Variants in DDX49 observed in about 807,000 individuals in gnomAD.
DDX49 encodes the protein DEAD-box helicase 49.
In DDX49, 50 loss-of-function variants were observed where a neutral mutation model predicts 56.3. That is an observed-to-expected ratio of 0.89 (90% CI 0.71 to 1.12). The LOEUF is 1.12. Ranked by LOEUF, DDX49 falls within the 50% of genes most tolerant of loss-of-function variation. DDX49 has a pLI of 0.00. For missense variants in DDX49, 614 were observed against 650.5 expected (o/e 0.94, Z 0.61); for synonymous variants, 269 against 270.6 (o/e 0.99, Z 0.06).
Position 18,921,410 on chromosome 19 carries a change from C to T in DDX49, c.240-253C>T, listed in dbSNP as rs964550951. ...TGCTGAAAGGCGAACTGGGGGAAGG[C>T]ACAGGTTTGGGATAGGAAGAGATGC... On this transcript the variant is annotated intron_variant, in intron 2 of 12. Transcript: ENST00000247003. Among the ~76,000 whole-genome samples the T allele has an allele frequency of 1.5e-4, 23 of 152,212 alleles. 1 individual carries two copies. Among genetic ancestry groups the T allele is most frequent in the Middle Eastern group, 6.8e-3 (2 of 294 alleles).
intron 9 of DDX49, among the ~76,000 whole-genome samples, chr19:18,925,405 A>T (rs985153476): frequency 6.6e-6 from 1 of 150,624 alleles, no homozygotes. Flanking sequence ...ATACAAAAAA[A>T]TTAGCCAGGC....
chr19:18,926,117 G>A (rs1365779961), intron 9 of DDX49, among the ~76,000 whole-genome samples, 186 bp from the exon 10 acceptor site: 3 of 152,156 alleles, frequency 2.0e-5, no homozygotes, highest in Admixed American at 6.5e-5. Context: ...TCTCCCCAGC[G>A]ACCCGTCCTC....
rs751740279 is a variant in DDX49 at position 18,922,503 on chromosome 19, G to A, written c.625G>A (p.Ala209Thr). Residue 209 changes from alanine to threonine, a missense_variant, in exon 5 of 13, where the codon GCA (alanine) becomes ACA (threonine). By Grantham distance (58) the Ala-to-Thr change is moderately conservative (BLOSUM62 0). Coordinates refer to ENST00000247003, the MANE Select transcript of DDX49 (RefSeq NM_019070.5). ...CACCAACCAGCCCTTCTTCTGGGAAGCACAGGCCCCGTGAGTCCACAGCCC... is the reference window on the plus strand; with the variant it reads ...CACCAACCAGCCCTTCTTCTGGGAAACACAGGCCCCGTGAGTCCACAGCCC... ...LATNQPFFWE[A>T]QAPVSTVEQL... 1.9e-6 allele frequency: 3 copies of A among 1,600,246 alleles called. No individual in the cohort carries two copies. The highest frequency in any genetic ancestry group is 1.3e-5 in the African/African-American group (1 of 74,922).
Position 18,924,295 on chromosome 19 carries a change from C to T in DDX49, c.839C>T (p.Ser280Phe), listed in dbSNP as rs771135039. The T allele has an allele frequency of 6.2e-7, 1 of 1,613,826 alleles. No individual in the cohort carries two copies. Among genetic ancestry groups the T allele is most frequent in the Non-Finnish European group, 8.5e-7 (1 of 1,179,976 alleles). Residue 280 changes from serine to phenylalanine, a missense_variant, in exon 7 of 13, where the codon TCC becomes TTC. Coordinates refer to ENST00000247003, the MANE Select transcript of DDX49 (RefSeq NM_019070.5). ...KFSFPTVALH[S>F]MMKQKERFAA... ...AGCTTCCCCACCGTGGCTCTGCACT[C>T]CATGATGAAGCAGGTGAGGCCACCC...
intron 6 of DDX49, among the ~76,000 whole-genome samples, chr19:18,923,644 G>T (rs2056936886): frequency 6.6e-6 from 1 of 151,912 alleles, no homozygotes; most frequent in Non-Finnish European, 1.5e-5. Flanking sequence ...TCCTCTGCTG[G>T]CTCCTTCTTG....
chr19:18,926,990 T>C (rs1302412309), intron 10 of DDX49, among the ~76,000 whole-genome samples: 2 of 149,624 alleles, frequency 1.3e-5, no homozygotes, highest in African/African-American at 4.9e-5. Flanking sequence ...TGAGAATTAC[T>C]TGAACCCGGG....
At chr19:18,926,487 G>T in intron 10 of DDX49, 110 bp downstream of exon 10, 2 of 1,202,100 alleles carry the variant, frequency 1.7e-6, no homozygotes, top group Non-Finnish European at 2.4e-6. Flanking sequence ...CTGCTCCCGT[G>T]AGCAGATTTA....
rs776218879 is a variant in DDX49 at position 18,922,613 on chromosome 19, C to T, written c.645C>T (p.Thr215=). The change falls in exon 6 of 13, where the codon ACC becomes ACT. Residue 215 remains threonine (T), a synonymous_variant. Coordinates refer to ENST00000247003, the MANE Select transcript of DDX49 (RefSeq NM_019070.5). ...FFWEAQAPVS[T]VEQLDQRYLL... ...ATCTGTCCATCCCCAGGGTGAGCAC[C>T]GTGGAGCAGCTGGACCAGCGCTACC... 9.3e-6 allele frequency: 15 copies of T among 1,612,586 alleles called. No homozygotes were observed. The highest frequency in any genetic ancestry group is 3.3e-5 in the Admixed American group (2 of 59,994).
rs765355533 is a variant in DDX49 at position 18,921,690 on chromosome 19, G to A, written c.267G>A (p.Gln89=). Residue 89 remains glutamine, a synonymous_variant, in exon 3 of 13, where the codon CAG becomes CAA. Coordinates refer to ENST00000247003, the MANE Select transcript of DDX49 (RefSeq NM_019070.5). The part of the protein sequence containing the change: ...TRELAYQIAE[Q]FRVLGKPLGL... ...AGCTGGCCTACCAGATCGCAGAGCA[G>A]TTCCGGGTCCTGGGGAAGCCTCTAG... is the stretch of plus-strand genomic sequence containing the variant. 10 of 1,614,176 alleles carry A rather than the reference G, an allele frequency of 6.2e-6. No homozygotes were observed. The South Asian group carries it at 1.1e-4, about 18-fold the overall frequency.
In DDX49 at chr19:18,921,904, G is replaced by A. The variant is rs1316756897; in HGVS notation, c.387G>A (p.Gly129=). The A allele has an allele frequency of 6.2e-7, 1 of 1,613,916 alleles. No individual in the cohort carries two copies. Among genetic ancestry groups the A allele is most frequent in the East Asian group, 2.2e-5 (1 of 44,870 alleles). The change falls in exon 4 of 13, where the codon GGG becomes GGA. Residue 129 remains glycine, a synonymous_variant. Coordinates refer to ENST00000247003, the MANE Select transcript of DDX49 (RefSeq NM_019070.5). The part of the protein sequence containing the change: ...RKPHVVIATP[G]RLADHLRSSN... ...CACACGTGGTCATCGCCACGCCGGGGCGCCTGGCAGATCACCTGCGCAGCT... is the reference window on the plus strand; with the variant it reads ...CACACGTGGTCATCGCCACGCCGGGACGCCTGGCAGATCACCTGCGCAGCT...
At position 18,919,847 on chromosome 19, in the gene DDX49, A is replaced by G. The variant is rs911579121; in HGVS notation, c.106A>G (p.Ile36Val). 13 of 1,600,594 alleles carry G rather than the reference A, an allele frequency of 8.1e-6. No homozygotes were observed. The Admixed American group carries it at 1.3e-4, about 16-fold the overall frequency. Residue 36 changes from isoleucine (I) to valine (V), a missense_variant, in exon 1 of 13, where the codon ATC becomes GTC. By Grantham distance (29) the Ile-to-Val change is conservative. Transcript: ENST00000247003. ...CGTGCAGCTCGGCTGCATCCCCGCC[A>G]TCCTGGAGGGTGAGTATGGCCCAGG... ...TPVQLGCIPA[I>V]LEGRDCLGCA...
In DDX49 at chr19:18,924,550, C is replaced by T. The variant is rs952378098; in HGVS notation, c.853-73C>T. The T allele has an allele frequency of 7.5e-5, 115 of 1,532,096 alleles. 1 individual carries two copies. The Admixed American group carries it at 1.6e-3, about 21-fold the overall frequency. 94.9% of individuals were successfully genotyped at this position (1,532,096 alleles called of 1,614,324 possible). ...GACGGCTGGGGACTGTCCCGGCCTC[C>T]ACCCTGTCCCGAGGCCTCACACAGA... On this transcript the variant is annotated intron_variant, in intron 7 of 12. Transcript: ENST00000247003.
At chr19:18,926,202 C>A in intron 9 of DDX49, 101 bp from the exon 10 acceptor site, 2 of 1,249,276 alleles carry the variant, frequency 1.6e-6, no homozygotes, top group South Asian at 1.4e-5. Flanking sequence ...CCTTGTTCAG[C>A]ATCTCCAGGA....
intron 2 of DDX49, among the ~76,000 whole-genome samples, chr19:18,921,152 AAAAG>A (rs956558539): frequency 6.0e-4 from 92 of 152,144 alleles, no homozygotes; most frequent in South Asian, 2.3e-3. Flanking sequence ...AAAAAAAAAA[AAAAG>A]AAAGAAAGAA....
At position 18,919,802 on chromosome 19, in the gene DDX49, G is replaced by A. The variant is rs139869066; in HGVS notation, c.61G>A (p.Gly21Ser). ...SWLVEQCRQL[G>S]LKQPTPVQLG... ...GCTCGTGGAACAATGTCGGCAGCTG[G>A]GTTTGAAGCAGCCCACGCCCGTGCA... is the stretch of plus-strand genomic sequence containing the variant. The change falls in exon 1 of 13, where the codon GGT becomes AGT. Residue 21 changes from glycine to serine, a missense_variant. Transcript: ENST00000247003. 12,725 of 1,612,714 alleles carry A rather than the reference G, an allele frequency of 7.9e-3. 62 individuals are homozygous for A. The highest frequency in any genetic ancestry group is 0.011 in the Middle Eastern group (64 of 6,048).
Position 18,922,393 on chromosome 19 carries a change from T to C in DDX49, c.515T>C (p.Ile172Thr). 9 of 1,611,474 alleles carry C rather than the reference T, an allele frequency of 5.6e-6. No homozygotes were observed. The highest frequency in any genetic ancestry group is 7.6e-6 in the Non-Finnish European group (9 of 1,179,700). ...CTDFTVDLEA[I>T]LAAVPARRQT... ...GACTTCACCGTGGACCTGGAGGCCA[T>C]CCTGGCGGCTGTGCCGGCCCGCAGG... is the stretch of plus-strand genomic sequence containing the variant. The change falls in exon 5 of 13, where the codon ATC (isoleucine) becomes ACC (threonine). Residue 172 changes from isoleucine (I) to threonine (T), a missense_variant. Physicochemically the swap from Ile to Thr is moderately conservative, Grantham distance 89 (BLOSUM62 -1). Coordinates refer to ENST00000247003, the MANE Select transcript of DDX49 (RefSeq NM_019070.5).
At chr19:18,926,880 C>T (rs1412633161) in intron 10 of DDX49, among the ~76,000 whole-genome samples, 1 of 151,470 alleles carries the variant, frequency 6.6e-6, no homozygotes, top group East Asian at 1.9e-4. Flanking sequence ...CAAGACCAAC[C>T]TGGGCAACAT....
intron 8 of DDX49, 67 bp from the exon 9 acceptor site, chr19:18,924,815 C>T (rs1427529071): frequency 6.2e-7 from 1 of 1,612,326 alleles, no homozygotes; most frequent in East Asian, 2.2e-5. Flanking sequence ...CTGAGTGACC[C>T]TGGGTGAGTC....
At chr19:18,922,977 G>C (rs939333337) in intron 6 of DDX49, among the ~76,000 whole-genome samples, 3 of 152,232 alleles carry the variant, frequency 2.0e-5, no homozygotes, top group African/African-American at 4.8e-5. Context: ...GCAAGCAGCT[G>C]TTTGAGCAGC....
Sources: allele counts gnomAD v4.1 joint callset (sites outside exome capture counted in the v4.1 genomes callset), GRCh38; gene constraint gnomAD v4.1.1; transcripts MANE v1.5; gene names NCBI Gene and HGNC (gene_info 2026-07-23, HGNC 2026-07-21).